The following DIS3L2 variants were observed in gnomAD, a reference collection of about 807,000 sequenced individuals.
DIS3L2 encodes the protein DIS3-like exonuclease 2.
Under a neutral mutation model 97.5 loss-of-function variants are expected in DIS3L2, and 34 were observed. That is an observed-to-expected ratio of 0.35 (90% CI 0.27 to 0.46). The LOEUF (loss-of-function observed/expected upper bound fraction) is 0.46. Ranked by LOEUF, DIS3L2 falls within the 20% of genes least tolerant of loss-of-function variation. DIS3L2 has a pLI of 1.00. For synonymous variants in DIS3L2, 435 were observed against 445.2 expected (o/e 0.98, Z 0.29); for missense variants, 1,038 against 1,146.0 (o/e 0.91, Z 1.36).
chr2:232,053,192 G>T (rs1426019311), intron 5 of DIS3L2, among the ~76,000 whole-genome samples: 2 of 152,172 alleles, frequency 1.3e-5, no homozygotes, highest in Non-Finnish European at 2.9e-5. Context: ...TCTTGAACTT[G>T]AGTTTTTGTT....
chr2:232,262,702 A>G (rs72996153), intron 12 of DIS3L2, among the ~76,000 whole-genome samples: 1,824 of 152,220 alleles, frequency 0.012, 17 homozygotes, highest in Non-Finnish European at 0.018. Flanking sequence ...ATGTGCCCCA[A>G]ATGGAAAAGT....
chr2:232,108,740 T>C (rs1040692623), intron 6 of DIS3L2, among the ~76,000 whole-genome samples: 5 of 152,096 alleles, frequency 3.3e-5, no homozygotes, highest in African/African-American at 1.2e-4. Flanking sequence ...TGCAAAAATC[T>C]CTAGCATTCC....
intron 1 of DIS3L2, among the ~76,000 whole-genome samples, chr2:231,975,843 A>G (rs1317226361): frequency 2.0e-5 from 3 of 152,098 alleles, no homozygotes; most frequent in Middle Eastern, 3.4e-3. Flanking sequence ...CCCTGGAGGT[A>G]ATGCTTTTCT....
At chr2:232,013,431 C>G (rs776790010) in intron 1 of DIS3L2, among the ~76,000 whole-genome samples, 1 of 152,232 alleles carries the variant, frequency 6.6e-6, no homozygotes, top group Non-Finnish European at 1.5e-5. Flanking sequence ...ATAGGCTGGA[C>G]TCTATCCAAA....
At chr2:232,343,262 A>G in intron 13 of DIS3L2, 1 of 1,182,082 alleles carries the variant, frequency 8.5e-7, no homozygotes, top group East Asian at 2.5e-5. Flanking sequence ...CAGGCTGAGT[A>G]GGCTCACCTT....
rs80054395 is a variant in DIS3L2, at chr2:232,064,482, A to C, written c.367-23005A>C. The stretch of plus-strand genomic sequence containing the variant: ...TTTTCAGTTTTTGATGATTAAGAAC[A>C]ATGCCCCTGTGAACACTGCTGTACA... On this transcript the variant is annotated intron_variant, in intron 5 of 20. Coordinates refer to ENST00000325385, the MANE Select transcript of DIS3L2 (RefSeq NM_152383.5). Among the ~76,000 whole-genome samples, 132 of 152,320 alleles carry C rather than the reference A, an allele frequency of 8.7e-4. 1 individual carries two copies. The East Asian group carries it at 0.024, about 27-fold the overall frequency.
chr2:232,149,106 T>G (rs1393481696), intron 8 of DIS3L2, among the ~76,000 whole-genome samples: 1 of 150,358 alleles, frequency 6.7e-6, no homozygotes, highest in Non-Finnish European at 1.5e-5. Flanking sequence ...AGATGGTGCG[T>G]GAAAATGAGA....
intron 14 of DIS3L2, among the ~76,000 whole-genome samples, chr2:232,323,956 A>T (rs1312930336): frequency 6.7e-6 from 1 of 149,506 alleles, no homozygotes; most frequent in South Asian, 2.1e-4. Context: ...CCTGGAACAG[A>T]GCTGCCACCA....
At chr2:232,294,004 A>AGGC (rs1694664570) in intron 13 of DIS3L2, among the ~76,000 whole-genome samples, 1 of 152,198 alleles carries the variant, frequency 6.6e-6, no homozygotes. Flanking sequence ...GCCTCCACCA[A>AGGC]GGCACTGGCT....
intron 6 of DIS3L2, among the ~76,000 whole-genome samples, chr2:232,109,291 C>G (rs1269838073): frequency 6.6e-6 from 1 of 151,864 alleles, no homozygotes; most frequent in African/African-American, 2.4e-5. Context: ...ATTAAAAATA[C>G]AAAAATTAGC....
intron 15 of DIS3L2, 25 bp downstream of exon 15, chr2:232,330,021 G>A: frequency 1.3e-6 from 2 of 1,587,590 alleles, no homozygotes; most frequent in Non-Finnish European, 1.7e-6. Context: ...GGATTCGGGG[G>A]AGGCCCTGCT....
chr2:232,052,244 G>A (rs1574839116), intron 5 of DIS3L2, among the ~76,000 whole-genome samples: 2 of 152,054 alleles, frequency 1.3e-5, no homozygotes, highest in Non-Finnish European at 2.9e-5. Flanking sequence ...GGCTGGTCTC[G>A]AACTCCTGAC....
chr2:231,964,999 A>G lies in DIS3L2; in HGVS notation c.-94+3234A>G, dbSNP rs571212751. On this transcript the variant is annotated intron_variant, in intron 1 of 20. Coordinates refer to ENST00000325385, the MANE Select transcript of DIS3L2 (RefSeq NM_152383.5). ...AGTTTGGGAAATAGTTCCATGTGGCATTTCGAAGTTCTTATTTAATGCTTT... is the reference window on the plus strand; with the variant it reads ...AGTTTGGGAAATAGTTCCATGTGGCGTTTCGAAGTTCTTATTTAATGCTTT... 7.2e-5 allele frequency among the ~76,000 whole-genome samples: 11 copies of G among 152,286 alleles called. No homozygotes were observed. The East Asian group carries it at 2.1e-3, about 29-fold the overall frequency.
chr2:232,143,843 T>G (rs1690140711), intron 8 of DIS3L2, among the ~76,000 whole-genome samples: 1 of 152,048 alleles, frequency 6.6e-6, no homozygotes, highest in South Asian at 2.1e-4. Context: ...ACCATAATTT[T>G]TTCCCCAGAG....
chr2:232,087,034 A>G (rs1318572130), intron 5 of DIS3L2, among the ~76,000 whole-genome samples: 1 of 151,868 alleles, frequency 6.6e-6, no homozygotes. Context: ...TTCACACTTA[A>G]TTTTGTTTTT....
intron 6 of DIS3L2, among the ~76,000 whole-genome samples, chr2:232,123,466 T>C (rs1354140434): frequency 6.6e-6 from 1 of 152,098 alleles, no homozygotes; most frequent in Non-Finnish European, 1.5e-5. Flanking sequence ...ATGGCTTCCT[T>C]ACCATCTCCT....
chr2:231,965,634 G>A (rs1692687084), intron 1 of DIS3L2, among the ~76,000 whole-genome samples: 1 of 152,080 alleles, frequency 6.6e-6, no homozygotes, highest in African/African-American at 2.4e-5. Flanking sequence ...TGCTTACTTG[G>A]TACCAGGCAC....
chr2:231,987,763 G>A (rs758747551), intron 1 of DIS3L2, among the ~76,000 whole-genome samples: 3 of 152,216 alleles, frequency 2.0e-5, no homozygotes, highest in Non-Finnish European at 4.4e-5. Flanking sequence ...TGAAGTGGTA[G>A]GGAGAAGAAG....
intron 10 of DIS3L2, among the ~76,000 whole-genome samples, chr2:232,237,267 C>T (rs2106250614): frequency 6.6e-6 from 1 of 152,230 alleles, no homozygotes; most frequent in South Asian, 2.1e-4. Flanking sequence ...ATTTAAGGTA[C>T]AGTTCTAACA....
Sources: gnomAD v4.1 joint callset for allele counts (sites outside exome capture counted in the v4.1 genomes callset) on GRCh38, gnomAD v4.1.1 for gene constraint, MANE v1.5 for transcripts, NCBI Gene and HGNC (gene_info 2026-07-23, HGNC 2026-07-21) for gene names.